The following ATP8A2 variants were observed in gnomAD, a reference collection of about 807,000 sequenced individuals.
ATP8A2 encodes ATPase phospholipid transporting 8A2, also known as phospholipid-transporting ATPase IB.
Under a neutral mutation model 165.6 loss-of-function variants are expected in ATP8A2, and 100 were observed. The observed-to-expected ratio is 0.60, with a 90% confidence interval of 0.51 to 0.71. The LOEUF (loss-of-function observed/expected upper bound fraction) is 0.71. ATP8A2 is among the 30% of genes least tolerant of loss of function. ATP8A2 has a pLI of 0.00. For missense variants in ATP8A2, 1,227 were observed against 1,479.5 expected, an observed-to-expected ratio of 0.83 and a Z score of 2.80; for synonymous variants, 543 against 548.8, an observed-to-expected ratio of 0.99 and a Z score of 0.15.
intron 27 of ATP8A2, among the ~76,000 whole-genome samples, chr13:25,780,559 G>A (rs1182720738): frequency 6.6e-6 from 1 of 152,110 alleles, no homozygotes; most frequent in African/African-American, 2.4e-5. Context: ...TTAAAAATTT[G>A]TCAATATCTG....
intron 25 of ATP8A2, among the ~76,000 whole-genome samples, chr13:25,733,718 G>A (rs971871945): frequency 6.6e-6 from 1 of 151,992 alleles, no homozygotes; most frequent in Non-Finnish European, 1.5e-5. Context: ...TTTATACATG[G>A]GCCCATATTA....
rs1166735393 is a variant in ATP8A2 at position 25,728,327 on chromosome 13, C to T, written c.2384+28982C>T. ...AATTAGCTGGAATCAGGAGTTTTCT[C>T]ATGGGTGAAGTGAGGATACCTCATG... On this transcript the variant is annotated intron_variant, in intron 25 of 36. Transcript: ENST00000381655. Among the ~76,000 whole-genome samples, 3 of 152,132 alleles carry T rather than the reference C, an allele frequency of 2.0e-5. No homozygotes were observed. The East Asian group carries it at 5.8e-4, about 29-fold the overall frequency.
At chr13:25,767,312 A>AACT (rs1182581223) in intron 25 of ATP8A2, among the ~76,000 whole-genome samples, 3 of 152,218 alleles carry the variant, frequency 2.0e-5, no homozygotes, top group Non-Finnish European at 4.4e-5. Flanking sequence ...AAGCTCCAGT[A>AACT]ACTTTCTTTT....
chr13:25,878,078 T>C (rs2138839417), intron 33 of ATP8A2, among the ~76,000 whole-genome samples: 1 of 152,328 alleles, frequency 6.6e-6, no homozygotes, highest in South Asian at 2.1e-4. Context: ...GGGGTTCACT[T>C]ACGCCCTTTA....
At chr13:25,542,841 A>G (rs2038526195) in intron 9 of ATP8A2, among the ~76,000 whole-genome samples, 1 of 152,122 alleles carries the variant, frequency 6.6e-6, no homozygotes, top group Non-Finnish European at 1.5e-5. Context: ...AGTCATCCTT[A>G]AAAAAATTGA....
At chr13:25,945,967 G>A (rs1246874906) in intron 33 of ATP8A2, among the ~76,000 whole-genome samples, 3 of 152,186 alleles carry the variant, frequency 2.0e-5, no homozygotes, top group Non-Finnish European at 2.9e-5. Context: ...AGTTTTAAAG[G>A]TTTCATTCTA....
chr13:25,977,671 T>G (rs1956086544), intron 35 of ATP8A2, among the ~76,000 whole-genome samples: 1 of 152,250 alleles, frequency 6.6e-6, no homozygotes, highest in South Asian at 2.1e-4. Flanking sequence ...TATGGACCGA[T>G]GTTTAATAAT....
intron 33 of ATP8A2, among the ~76,000 whole-genome samples, chr13:25,959,042 G>T (rs1955597022): frequency 6.6e-6 from 1 of 152,164 alleles, no homozygotes; most frequent in African/African-American, 2.4e-5. Flanking sequence ...ATCCCCACAA[G>T]TACAGCTTGA....
At chr13:25,841,680 A>C (rs1951749362) in intron 30 of ATP8A2, among the ~76,000 whole-genome samples, 1 of 152,248 alleles carries the variant, frequency 6.6e-6, no homozygotes, top group Non-Finnish European at 1.5e-5. Context: ...TAAGGGTGAC[A>C]GTAGATATAT....
intron 33 of ATP8A2, among the ~76,000 whole-genome samples, chr13:25,941,019 C>T (rs79816415): frequency 0.046 from 7,032 of 152,300 alleles, 214 homozygotes; most frequent in Non-Finnish European, 0.074. Flanking sequence ...CCTTCTCCGG[C>T]CACATGGATC....
At chr13:25,760,263 T>C (rs1333296076) in intron 25 of ATP8A2, among the ~76,000 whole-genome samples, 1 of 152,216 alleles carries the variant, frequency 6.6e-6, no homozygotes. Flanking sequence ...TCATAGGATG[T>C]TGAAGCAGTC....
At chr13:25,444,968 T>C (rs536934821) in intron 1 of ATP8A2, among the ~76,000 whole-genome samples, 1 of 152,268 alleles carries the variant, frequency 6.6e-6, no homozygotes, top group African/African-American at 2.4e-5. Flanking sequence ...TTATTGGCCA[T>C]TTGGGTATCT....
chr13:25,860,827 G>A lies in ATP8A2; in HGVS notation c.3042G>A (p.Leu1014=). The A allele has an allele frequency of 6.3e-7, 1 of 1,598,198 alleles. No individual in the cohort carries two copies. Among genetic ancestry groups the A allele is most frequent in the African/African-American group, 1.3e-5 (1 of 74,934 alleles). ...VYTYVVVTVC[L]KAGLETTAWT... The stretch of plus-strand genomic sequence containing the variant: ...AGTATGTTGTTGTTACTGTTTGTCT[G>A]AAAGCTGGTTTGGAGACCACAGCTT... Residue 1014 remains leucine (L), a synonymous_variant, in exon 32 of 37, where the codon CTG becomes CTA. Coordinates refer to ENST00000381655, the MANE Select transcript of ATP8A2 (RefSeq NM_016529.6).
At chr13:25,483,766 C>G (rs564050044) in intron 2 of ATP8A2, among the ~76,000 whole-genome samples, 2 of 152,260 alleles carry the variant, frequency 1.3e-5, no homozygotes, top group South Asian at 4.1e-4. Context: ...TGAGAATGTA[C>G]CTGTTTAAGG....
chr13:25,374,821 G>A (rs1323202913), intron 1 of ATP8A2, among the ~76,000 whole-genome samples: 1 of 152,100 alleles, frequency 6.6e-6, no homozygotes, highest in Non-Finnish European at 1.5e-5. Context: ...TGACAATCGT[G>A]TACTCCCATA....
At chr13:25,465,767 C>T (rs1426108680) in intron 1 of ATP8A2, among the ~76,000 whole-genome samples, 327 of 105,418 alleles carry the variant, frequency 3.1e-3, no homozygotes, top group East Asian at 6.0e-3. Context: ...CTCTCTTTCT[C>T]TCTTTCTCTC....
At chr13:25,726,750 G>A (rs2043502715) in intron 25 of ATP8A2, among the ~76,000 whole-genome samples, 1 of 152,150 alleles carries the variant, frequency 6.6e-6, no homozygotes, top group African/African-American at 2.4e-5. Context: ...GGATTAGGGT[G>A]TGGACATCTT....
At chr13:25,705,817 G>A (rs942841778) in intron 25 of ATP8A2, among the ~76,000 whole-genome samples, 7 of 152,304 alleles carry the variant, frequency 4.6e-5, no homozygotes, top group East Asian at 3.9e-4. Context: ...TTCATTGGAC[G>A]AAGGGTTACA....
intron 2 of ATP8A2, among the ~76,000 whole-genome samples, chr13:25,520,606 G>GT (rs1252775040): frequency 0.02 from 2,262 of 113,776 alleles, 55 homozygotes; most frequent in African/African-American, 0.058. Flanking sequence ...TTTTTTTTTT[G>GT]TTTTTTTTTT....
Sources: allele counts gnomAD v4.1 joint callset (sites outside exome capture counted in the v4.1 genomes callset), GRCh38; gene constraint gnomAD v4.1.1; transcripts MANE v1.5; gene names NCBI Gene and HGNC (gene_info 2026-07-23, HGNC 2026-07-21).